ARHGAP6: variants seen among roughly 807,000 people sequenced by gnomAD.
The protein encoded by ARHGAP6 is rho GTPase-activating protein 6.
ARHGAP6 carries 16 observed loss-of-function variants against 55.7 expected under a neutral mutation model. The observed-to-expected ratio is 0.29, with a 90% CI of 0.19 to 0.44. ARHGAP6 has a LOEUF of 0.44. ARHGAP6 is among the 20% of genes least tolerant of loss of function. The pLI is 1.00. For synonymous variants in ARHGAP6, 382 were observed against 360.9 expected (o/e 1.06, Z -0.66); for missense variants, 698 against 808.9 (o/e 0.86, Z 1.66).
chrX:11,386,435 G>T (rs964013388), intron 1 of ARHGAP6, among the ~76,000 whole-genome samples: 1 of 111,697 alleles, frequency 9.0e-6, no homozygotes, highest in African/African-American at 3.3e-5. Context: ...AGCAGCTACA[G>T]GGCTGGAAGG....
intron 1 of ARHGAP6, among the ~76,000 whole-genome samples, chrX:11,372,398 A>G (rs996067420): frequency 1.8e-5 from 2 of 112,268 alleles, no homozygotes; most frequent in Non-Finnish European, 3.8e-5. Context: ...ATTAATAAAG[A>G]ATGGATTTTT....
intron 1 of ARHGAP6, among the ~76,000 whole-genome samples, chrX:11,341,710 A>G (rs2048708804): frequency 8.9e-6 from 1 of 111,988 alleles, no homozygotes; most frequent in African/African-American, 3.2e-5. Flanking sequence ...ACAGCTGAAC[A>G]ATGTTTCTTT....
Position 11,138,829 on chromosome X carries a change from G to A in ARHGAP6, c.*34C>T, listed in dbSNP as rs770775964. 4 of 1,155,282 alleles carry A rather than the reference G, an allele frequency of 3.5e-6. No homozygotes were observed. Among genetic ancestry groups the A allele is most frequent in the South Asian group, 1.9e-5 (1 of 52,846 alleles). On this transcript the variant is annotated 3_prime_UTR_variant, in exon 13 of 13. Transcript: ENST00000337414. ...TCCCCCCTGGGCTGGAGGGCGGGGG[G>A]CTCGGGGCAGGGGGGGCTCGGCTGG...
chrX:11,181,162 G>A (rs890634379), intron 6 of ARHGAP6, among the ~76,000 whole-genome samples: 1 of 111,645 alleles, frequency 9.0e-6, no homozygotes, highest in African/African-American at 3.3e-5. Flanking sequence ...TCCATTTAAT[G>A]TTTCTTGTGT....
intron 1 of ARHGAP6, among the ~76,000 whole-genome samples, chrX:11,278,373 A>G (rs1158024735): frequency 9.0e-6 from 1 of 111,323 alleles, no homozygotes; most frequent in Non-Finnish European, 1.9e-5. Context: ...AGATGTGACT[A>G]TAGAATAATG....
chrX:11,522,498 T>C (rs2050941287), intron 1 of ARHGAP6, among the ~76,000 whole-genome samples: 1 of 109,619 alleles, frequency 9.1e-6, no homozygotes, highest in South Asian at 3.9e-4. Context: ...GCAAGACTAA[T>C]AAAGAAGAAA....
At chrX:11,274,249 T>A (rs956092895) in intron 1 of ARHGAP6, among the ~76,000 whole-genome samples, 1 of 112,033 alleles carries the variant, frequency 8.9e-6, no homozygotes, top group African/African-American at 3.2e-5. Context: ...TTCTAACACA[T>A]TGACTGAGGC....
chrX:11,197,475 T>A lies in ARHGAP6; in HGVS notation c.749-479A>T, dbSNP rs188535051. 1.1e-4 allele frequency among the ~76,000 whole-genome samples: 12 copies of A among 112,143 alleles called. No homozygotes were observed. In the East Asian group the frequency reaches 3.1e-3, roughly 29 times the overall value. ...CTAACTATTGCTGCACAATTTACTA[T>A]GTGACTTTGGACAAGTCTTTGTGTC... On this transcript the variant is annotated intron_variant, in intron 2 of 12. Transcript: ENST00000337414.
chrX:11,634,954 C>T (rs918155308), intron 1 of ARHGAP6, among the ~76,000 whole-genome samples: 1 of 111,076 alleles, frequency 9.0e-6, no homozygotes, highest in Non-Finnish European at 1.9e-5. Flanking sequence ...GAAGGATTCA[C>T]ATTCAAGCTC....
At chrX:11,283,274 A>G (rs765393407) in intron 1 of ARHGAP6, among the ~76,000 whole-genome samples, 1 of 112,003 alleles carries the variant, frequency 8.9e-6, no homozygotes, top group African/African-American at 3.2e-5. Flanking sequence ...GAGATGGAGA[A>G]TAACTATAAG....
intron 1 of ARHGAP6, among the ~76,000 whole-genome samples, chrX:11,653,261 A>G (rs757717308): frequency 8.9e-6 from 1 of 112,603 alleles, no homozygotes; most frequent in African/African-American, 3.2e-5. Flanking sequence ...GCCTATTGGC[A>G]TGTCTTGGGT....
intron 1 of ARHGAP6, among the ~76,000 whole-genome samples, chrX:11,582,769 T>C (rs2051679909): frequency 9.0e-6 from 1 of 111,540 alleles, no homozygotes; most frequent in Non-Finnish European, 1.9e-5. Flanking sequence ...ATATTAATAT[T>C]AAATATAACT....
chrX:11,216,315 A>C (rs1299081136), intron 2 of ARHGAP6, among the ~76,000 whole-genome samples: 1 of 111,729 alleles, frequency 9.0e-6, no homozygotes, highest in Non-Finnish European at 1.9e-5. Context: ...CAAGGGGTAA[A>C]GTGTTTAAGT....
chrX:11,532,697 T>TCC (rs72184953), intron 1 of ARHGAP6, among the ~76,000 whole-genome samples: 3 of 112,002 alleles, frequency 2.7e-5, no homozygotes, highest in Non-Finnish European at 5.6e-5. Context: ...ATCTCAGCAT[T>TCC]AAAGATAAAC....
Position 11,620,831 on chromosome X carries a change from A to G in ARHGAP6, c.588+43410T>C, listed in dbSNP as rs145534529. On this transcript the variant is annotated intron_variant, in intron 1 of 12. Transcript: ENST00000337414. ...GGCTGGGGATGTTTCTAAACATTCT[A>G]CAATGCAAAGGACAGCTCTACACAA... Among the ~76,000 whole-genome samples the G allele has an allele frequency of 2.8e-3, 308 of 111,504 alleles. 1 individual carries two copies. Among genetic ancestry groups the G allele is most frequent in the African/African-American group, 9.6e-3 (294 of 30,655 alleles).
chrX:11,231,564 T>TA (rs765112696), intron 2 of ARHGAP6, among the ~76,000 whole-genome samples: 2 of 112,486 alleles, frequency 1.8e-5, no homozygotes, highest in East Asian at 5.6e-4. Context: ...TCCCTGATGT[T>TA]AAAATTTCAT....
chrX:11,304,022 G>A (rs1478376535), intron 1 of ARHGAP6, among the ~76,000 whole-genome samples: 1 of 111,679 alleles, frequency 9.0e-6, no homozygotes, highest in African/African-American at 3.3e-5. Flanking sequence ...CCAGTTGGAA[G>A]CAGGAGTGAT....
At chrX:11,568,486 T>C (rs1320277505) in intron 1 of ARHGAP6, among the ~76,000 whole-genome samples, 1 of 112,476 alleles carries the variant, frequency 8.9e-6, no homozygotes, top group African/African-American at 3.2e-5. Flanking sequence ...AAAACTGTAG[T>C]TCTGGCCAAA....
intron 2 of ARHGAP6, among the ~76,000 whole-genome samples, chrX:11,218,228 G>GT (rs1389712186): frequency 8.9e-6 from 1 of 111,900 alleles, no homozygotes; most frequent in Non-Finnish European, 1.9e-5. Context: ...ATTCAAAGTA[G>GT]TTTTTTCTAA....
Sources: gnomAD v4.1 joint callset for allele counts (sites outside exome capture counted in the v4.1 genomes callset) on GRCh38, gnomAD v4.1.1 for gene constraint, MANE v1.5 for transcripts, NCBI Gene and HGNC (gene_info 2026-07-23, HGNC 2026-07-21) for gene names.